The following CALN1 variants were observed in gnomAD, a reference collection of about 807,000 sequenced individuals.
CALN1 encodes calneuron 1.
A neutral mutation model predicts 30.6 loss-of-function variants in CALN1; 17 were observed. The observed-to-expected ratio is 0.56, with a 90% CI of 0.38 to 0.83. The LOEUF is 0.83. Among genes scored for constraint, CALN1 ranks in the 40% least tolerant of loss-of-function variants. The pLI, the probability that CALN1 is intolerant of heterozygous loss-of-function variation, is 0.00. For synonymous variants in CALN1, 156 were observed against 131.4 expected (o/e 1.19, Z -1.28); for missense variants, 291 against 354.9 (o/e 0.82, Z 1.45).
intron 5 of CALN1, among the ~76,000 whole-genome samples, chr7:71,841,711 G>A (rs1789949290): frequency 6.6e-6 from 1 of 152,142 alleles, no homozygotes; most frequent in African/African-American, 2.4e-5. Context: ...CCACATGGAT[G>A]CAGCTGGAGG....
At chr7:72,079,662 T>G (rs113236558) in intron 4 of CALN1, among the ~76,000 whole-genome samples, 3,383 of 152,144 alleles carry the variant, frequency 0.022, 118 homozygotes, top group African/African-American at 0.077. Context: ...CTTCTGTTGT[T>G]TTTTAGGAAC....
At chr7:71,993,065 C>A (rs779617654) in intron 5 of CALN1, among the ~76,000 whole-genome samples, 3 of 152,000 alleles carry the variant, frequency 2.0e-5, no homozygotes, top group Non-Finnish European at 4.4e-5. Context: ...GCTACCACCC[C>A]CACCCCATTC....
intron 5 of CALN1, among the ~76,000 whole-genome samples, chr7:71,939,957 C>T (rs1796038867): frequency 2.0e-5 from 3 of 152,222 alleles, no homozygotes; most frequent in Admixed American, 2.0e-4. Context: ...GCCTTACAAA[C>T]AACATAAGCA....
intron 5 of CALN1, among the ~76,000 whole-genome samples, chr7:71,853,873 C>T (rs1187528266): frequency 6.6e-6 from 1 of 152,160 alleles, no homozygotes; most frequent in African/African-American, 2.4e-5. Flanking sequence ...AGCAACTGCG[C>T]CCAGCCTGAA....
At chr7:72,410,077 G>GCGGGT (rs1807012035) in intron 1 of CALN1, among the ~76,000 whole-genome samples, 1 of 152,108 alleles carries the variant, frequency 6.6e-6, no homozygotes, top group Non-Finnish European at 1.5e-5. Flanking sequence ...GTTCCATTGT[G>GCGGGT]CGGGTCATGC....
chr7:72,173,850 CAA>C (rs1035046664), intron 3 of CALN1, among the ~76,000 whole-genome samples: 3 of 151,752 alleles, frequency 2.0e-5, no homozygotes, highest in Non-Finnish European at 4.4e-5. Context: ...GAACAAAAGA[CAA>C]GAGAAATCTC....
chr7:71,898,013 G>T (rs572084533), intron 5 of CALN1, among the ~76,000 whole-genome samples: 4 of 80,096 alleles, frequency 5.0e-5, no homozygotes, highest in Non-Finnish European at 9.9e-5. Flanking sequence ...GGGAGGGAGG[G>T]GGGGGGAGAG....
chr7:71,978,262 C>CTTTTTTTTTTTTTTTTTTTTTT (rs1010635078), intron 5 of CALN1, among the ~76,000 whole-genome samples: 2 of 72,936 alleles, frequency 2.7e-5, no homozygotes, highest in African/African-American at 1.1e-4. Flanking sequence ...CTAGAGAATT[C>CTTTTTTTTTTTTTTTTTTTTTT]TTTTTTTTTT....
chr7:72,154,455 A>G (rs369401742), intron 3 of CALN1, among the ~76,000 whole-genome samples: 6 of 152,306 alleles, frequency 3.9e-5, no homozygotes, highest in East Asian at 3.9e-4. Context: ...GAAGCTCTGG[A>G]TTATAAAAGC....
chr7:71,794,051 C>CT (rs372974760), intron 6 of CALN1, among the ~76,000 whole-genome samples: 16 of 151,286 alleles, frequency 1.1e-4, no homozygotes, highest in Admixed American at 9.2e-4. Context: ...GCGTTAAGTG[C>CT]TTTTTTTTTA....
At chr7:72,499,275 C>A in the CALN1 span, among the ~76,000 whole-genome samples, 1 of 152,150 alleles carries the variant, frequency 6.6e-6, no homozygotes, top group African/African-American at 2.4e-5. Flanking sequence ...AAGCGATCCA[C>A]CCACCTCAGC....
chr7:71,861,213 T>C (rs1345236827), intron 5 of CALN1, among the ~76,000 whole-genome samples: 1 of 152,032 alleles, frequency 6.6e-6, no homozygotes, highest in African/African-American at 2.4e-5. Context: ...GTTACGCTTA[T>C]GCAAGTATAA....
chr7:71,846,884 C>T (rs376701553), intron 5 of CALN1, among the ~76,000 whole-genome samples: 18 of 143,368 alleles, frequency 1.3e-4, no homozygotes, highest in Non-Finnish European at 2.3e-4. Flanking sequence ...AATATATACA[C>T]ACATATATGT....
chr7:71,809,825 T>G (rs1787838501), intron 6 of CALN1, among the ~76,000 whole-genome samples: 2 of 152,020 alleles, frequency 1.3e-5, no homozygotes, highest in Non-Finnish European at 2.9e-5. Context: ...CTGTCCCTTT[T>G]TTTTTTCTTT....
chr7:71,866,690 T>C (rs1791607442), intron 5 of CALN1, among the ~76,000 whole-genome samples: 1 of 152,150 alleles, frequency 6.6e-6, no homozygotes, highest in Non-Finnish European at 1.5e-5. Context: ...CTAGAGATGG[T>C]CCAGGTAAAC....
intron 2 of CALN1, among the ~76,000 whole-genome samples, chr7:72,388,529 A>C (rs749150442): frequency 6.6e-6 from 1 of 152,222 alleles, no homozygotes; most frequent in Non-Finnish European, 1.5e-5. Context: ...ACCATACTTA[A>C]GTAAAATGCT....
chr7:72,257,360 G>A (rs149739219), intron 3 of CALN1, among the ~76,000 whole-genome samples: 3 of 152,232 alleles, frequency 2.0e-5, no homozygotes, highest in African/African-American at 7.2e-5. Flanking sequence ...ACTGAGATGT[G>A]TGACTGTTTA....
At chr7:72,088,117 T>C (rs10950292) in intron 4 of CALN1, among the ~76,000 whole-genome samples, 31,265 of 151,980 alleles carry the variant, frequency 0.21, 3,504 homozygotes, top group East Asian at 0.28. Flanking sequence ...ACAGTGAGCT[T>C]TGATTGCACC....
At position 72,403,257 on chromosome 7, in the gene CALN1, G is replaced by A. The variant is rs1267832211; in HGVS notation, c.113C>T (p.Pro38Leu). The change falls in exon 2 of 7, where the codon CCC (proline) becomes CTC (leucine). Residue 38 changes from proline to leucine, a missense_variant. Physicochemically the swap from Pro to Leu is moderately conservative, Grantham distance 98. This residue lies in a region of CALN1 where 122 missense variants were observed against 103.2 expected (regional missense o/e 1.18). Transcript: ENST00000395275. ...TTGGGGGAAGAAGACTTGCCAGGTG[G>A]GGAAGTCGGGGGCCTGGCTCCTCGG... ...EPPRSQAPDF[P>L]TWEKMPFHHV... The A allele has an allele frequency of 1.3e-6, 2 of 1,548,966 alleles. No homozygotes were observed. Among genetic ancestry groups the A allele is most frequent in the African/African-American group, 2.7e-5 (2 of 73,190 alleles).
Sources: gnomAD v4.1 joint callset for allele counts (sites outside exome capture counted in the v4.1 genomes callset) on GRCh38, gnomAD v4.1.1 for gene constraint, gnomAD v4.1.1 regional missense constraint, MANE v1.5 for transcripts, NCBI Gene and HGNC (gene_info 2026-07-23, HGNC 2026-07-21) for gene names.